The following STRN variants were observed in gnomAD, a reference collection of about 807,000 sequenced individuals.
STRN encodes striatin.
In STRN, 53 loss-of-function variants were observed where a neutral mutation model predicts 96.3. That is an observed-to-expected ratio of 0.55 (90% CI 0.44 to 0.69). The LOEUF (loss-of-function observed/expected upper bound fraction) is 0.69. Ranked by LOEUF, STRN falls within the 30% of genes least tolerant of loss-of-function variation. STRN has a pLI of 0.00. For synonymous variants in STRN, 428 were observed against 355.9 expected (o/e 1.20, Z -2.28); for missense variants, 987 against 963.9 (o/e 1.02, Z -0.32).
At chr2:36,854,617 G>C (rs1308135031) in intron 15 of STRN, among the ~76,000 whole-genome samples, 1 of 152,146 alleles carries the variant, frequency 6.6e-6, no homozygotes, top group African/African-American at 2.4e-5. Flanking sequence ...TAAAACAAGA[G>C]TATATGTATG....
intron 7 of STRN, among the ~76,000 whole-genome samples, chr2:36,889,081 C>T (rs551621415): frequency 6.6e-6 from 1 of 152,250 alleles, no homozygotes; most frequent in Non-Finnish European, 1.5e-5. Flanking sequence ...CTTTCCATAG[C>T]ATTTATCACC....
chr2:36,838,879 C>T lies in STRN; in HGVS notation c.*10577G>A, dbSNP rs1018159537. 3.3e-5 allele frequency among the ~76,000 whole-genome samples: 5 copies of T among 152,086 alleles called. No homozygotes were observed. Among genetic ancestry groups the T allele is most frequent in the Admixed American group, 1.3e-4 (2 of 15,276 alleles). The stretch of plus-strand genomic sequence containing the variant: ...GTGAGATGCAGAGAACGTACATGAT[C>T]CCATTTATTTAAAGCAAACTGCCCA... On this transcript the variant is annotated 3_prime_UTR_variant, in exon 18 of 18. Transcript: ENST00000263918.
intron 8 of STRN, among the ~76,000 whole-genome samples, chr2:36,885,932 CT>C (rs796083274): frequency 6.6e-6 from 1 of 152,020 alleles, no homozygotes; most frequent in Non-Finnish European, 1.5e-5. Flanking sequence ...GTAATTTAGC[CT>C]TGTTCCCCTA....
Position 36,953,634 on chromosome 2 carries a change from C to T in STRN, c.234+12596G>A, listed in dbSNP as rs142766893. Among the ~76,000 whole-genome samples the T allele has an allele frequency of 2.7e-3, 411 of 152,232 alleles. 1 individual carries two copies. Among genetic ancestry groups the T allele is most frequent in the Middle Eastern group, 0.01 (3 of 294 alleles). On this transcript the variant is annotated intron_variant, in intron 1 of 17. Coordinates refer to ENST00000263918, the MANE Select transcript of STRN (RefSeq NM_003162.4). ...AGCCAGGATGGTCTCGATCTCCTGA[C>T]CTCATGATCCAACCACCTCGGCCTC...
chr2:36,838,205 G>A lies in STRN; in HGVS notation c.*11251C>T, dbSNP rs545523415. Among the ~76,000 whole-genome samples, 12 of 152,300 alleles carry A rather than the reference G, an allele frequency of 7.9e-5. No individual in the cohort carries two copies. In the East Asian group the frequency reaches 1.2e-3, roughly 15 times the overall value. ...GGAAGGGACCACGTGCAAGGACCAC[G>A]GAGCAACCTCTAAAGGATCAGATTT... On this transcript the variant is annotated 3_prime_UTR_variant, in exon 18 of 18. Coordinates refer to ENST00000263918, the MANE Select transcript of STRN (RefSeq NM_003162.4).
At chr2:36,873,138 G>C (rs1158461962) in intron 10 of STRN, among the ~76,000 whole-genome samples, 4 of 152,182 alleles carry the variant, frequency 2.6e-5, no homozygotes, top group African/African-American at 9.6e-5. Context: ...ACTAGAAAAA[G>C]CCAAGCTTGC....
intron 10 of STRN, among the ~76,000 whole-genome samples, chr2:36,872,195 A>G (rs558152757): frequency 6.6e-6 from 1 of 152,326 alleles, no homozygotes; most frequent in East Asian, 1.9e-4. Flanking sequence ...AGCAGAAGTG[A>G]TAACAAGTTG....
intron 1 of STRN, among the ~76,000 whole-genome samples, chr2:36,939,630 A>C (rs1572689523): frequency 6.7e-6 from 1 of 148,904 alleles, no homozygotes; most frequent in South Asian, 2.1e-4. Context: ...CAATCCTCCC[A>C]CCTCAGCCTC....
rs553061643 is a variant in STRN, at chr2:36,963,257, T to A, written c.234+2973A>T. On this transcript the variant is annotated intron_variant, in intron 1 of 17. Coordinates refer to ENST00000263918, the MANE Select transcript of STRN (RefSeq NM_003162.4). ...TGGATTGCCTTTCACAAGTCTTCCCTGGCAACCTGAAAGAGCAGGACTGAC... is the reference window on the plus strand; with the variant it reads ...TGGATTGCCTTTCACAAGTCTTCCCAGGCAACCTGAAAGAGCAGGACTGAC... Among the ~76,000 whole-genome samples the A allele has an allele frequency of 3.9e-5, 6 of 152,332 alleles. No individual in the cohort carries two copies. The South Asian group carries it at 1.2e-3, about 32-fold the overall frequency.
At chr2:36,877,646 C>T (rs997992948) in intron 10 of STRN, among the ~76,000 whole-genome samples, 2 of 151,472 alleles carry the variant, frequency 1.3e-5, no homozygotes, top group African/African-American at 4.9e-5. Flanking sequence ...AGCAATTCTC[C>T]TGCCATAGCC....
rs573780853 is a variant in STRN at position 36,903,300 on chromosome 2, T to C, written c.492-549A>G. ...TGTAGGGGGTGTGTGTACACATGTG[T>C]GTGTATGTTACTGAAAGGCAGCAAC... On this transcript the variant is annotated intron_variant, in intron 4 of 17. Transcript: ENST00000263918. Among the ~76,000 whole-genome samples, 6 of 152,314 alleles carry C rather than the reference T, an allele frequency of 3.9e-5. No individual in the cohort carries two copies. In the South Asian group the frequency reaches 1.0e-3, roughly 26 times the overall value.
chr2:36,873,294 A>T (rs1259630485), intron 10 of STRN, among the ~76,000 whole-genome samples: 8 of 152,268 alleles, frequency 5.3e-5, no homozygotes, highest in Non-Finnish European at 1.0e-4. Flanking sequence ...GTTTCTTGAA[A>T]ATAAAAATAA....
In STRN at chr2:36,857,882, G is replaced by T. The variant is rs1271214062; in HGVS notation, c.1811C>A (p.Ala604Glu). The change falls in exon 14 of 18, where the codon GCA (alanine) becomes GAA (glutamate). Residue 604 changes from alanine to glutamate, a missense_variant. Physicochemically the swap from Ala to Glu is moderately radical, Grantham distance 107. Coordinates refer to ENST00000263918, the MANE Select transcript of STRN (RefSeq NM_003162.4). The stretch of plus-strand genomic sequence containing the variant: ...TTTAGTATCATTAAATACACTTAGT[G>T]CTGGAGCAACCTCAGTTGTATTCCA... ...RLWNTTEVAP[A>E]LSVFNDTKEL... 1 of 1,614,040 alleles carries T rather than the reference G, an allele frequency of 6.2e-7. No individual in the cohort carries two copies. Among genetic ancestry groups the T allele is most frequent in the East Asian group, 2.2e-5 (1 of 44,870 alleles).
chr2:36,899,440 A>G (rs1349395139), intron 6 of STRN, 83 bp downstream of exon 6: 2 of 1,263,842 alleles, frequency 1.6e-6, no homozygotes, highest in East Asian at 5.8e-5. Flanking sequence ...GTTAAGATTA[A>G]AGAACATGGA....
chr2:36,962,293 T>C (rs771533851), intron 1 of STRN, among the ~76,000 whole-genome samples: 63 of 152,156 alleles, frequency 4.1e-4, no homozygotes, highest in Non-Finnish European at 7.5e-4. Context: ...CTACTCAATC[T>C]TGCCACCTTT....
At chr2:36,948,659 T>C (rs1362641184) in intron 1 of STRN, among the ~76,000 whole-genome samples, 2 of 152,224 alleles carry the variant, frequency 1.3e-5, no homozygotes, top group Non-Finnish European at 2.9e-5. Context: ...TACTTGCATG[T>C]AGTAGACGCT....
chr2:36,890,193 GAC>G (rs1270312581), intron 7 of STRN, among the ~76,000 whole-genome samples: 2 of 152,154 alleles, frequency 1.3e-5, no homozygotes, highest in Non-Finnish European at 2.9e-5. Context: ...TAGGGAATAA[GAC>G]AGAATAAAGG....
chr2:36,927,887 A>T (rs559734911), intron 1 of STRN, among the ~76,000 whole-genome samples: 2 of 152,342 alleles, frequency 1.3e-5, no homozygotes, highest in African/African-American at 4.8e-5. Flanking sequence ...CTTCAAATAT[A>T]TATTTGCACA....
At chr2:36,856,058 C>G (rs771588895) in intron 14 of STRN, among the ~76,000 whole-genome samples, 5 of 151,884 alleles carry the variant, frequency 3.3e-5, no homozygotes, top group Non-Finnish European at 7.4e-5. Context: ...AATAAGCAAA[C>G]AAAAGAAATG....
Sources: allele counts gnomAD v4.1 joint callset (sites outside exome capture counted in the v4.1 genomes callset), GRCh38; gene constraint gnomAD v4.1.1; transcripts MANE v1.5; gene names NCBI Gene and HGNC (gene_info 2026-07-23, HGNC 2026-07-21).